RBFOX1: variants seen among roughly 807,000 people sequenced by gnomAD.
The protein encoded by RBFOX1 is RNA binding fox-1 homolog 1.
A neutral mutation model predicts 57.7 loss-of-function variants in RBFOX1; 8 were observed. The ratio of observed to expected loss-of-function variants is 0.14; its 90% CI spans 0.08 to 0.25. The LOEUF (loss-of-function observed/expected upper bound fraction) is 0.25, where lower values mean the gene tolerates loss of function less well. Ranked by LOEUF, RBFOX1 falls within the 10% of genes least tolerant of loss-of-function variation. The pLI, the probability that RBFOX1 is intolerant of heterozygous loss-of-function variation, is 1.00. For missense variants in RBFOX1, 611 were observed against 548.5 expected (o/e 1.11, Z -1.14); for synonymous variants, 326 against 222.4 (o/e 1.47, Z -4.15).
chr16:7,026,495 TTTC>T (rs1321589748), intron 3 of RBFOX1, among the ~76,000 whole-genome samples: 14 of 152,216 alleles, frequency 9.2e-5, no homozygotes, highest in South Asian at 4.1e-4. Context: ...ATCTGCCTCT[TTTC>T]TTCTTCTCTC....
chr16:5,909,629 C>T (rs1406611031), intron 4 of RBFOX1, among the ~76,000 whole-genome samples: 1 of 152,136 alleles, frequency 6.6e-6, no homozygotes, highest in Non-Finnish European at 1.5e-5. Flanking sequence ...ACTCTGTAGC[C>T]TCCCTCCTGG....
At chr16:7,420,607 A>G (rs892278745) in intron 4 of RBFOX1, among the ~76,000 whole-genome samples, 12 of 151,024 alleles carry the variant, frequency 7.9e-5, no homozygotes, top group Middle Eastern at 3.4e-3. Flanking sequence ...TCCCTTTCTG[A>G]TGATTTTTTT....
At chr16:7,286,120 A>G (rs72769249) in intron 4 of RBFOX1, among the ~76,000 whole-genome samples, 66 of 152,332 alleles carry the variant, frequency 4.3e-4, no homozygotes, top group Non-Finnish European at 6.6e-4. Context: ...TAAGGAACGA[A>G]TGAGTGAATG....
chr16:6,636,791 A>ATATATATAT (rs766022561), intron 2 of RBFOX1, among the ~76,000 whole-genome samples: 45 of 7,044 alleles, frequency 6.4e-3, no homozygotes, highest in Non-Finnish European at 0.015. Flanking sequence ...ATAATATATA[A>ATATATATAT]TATATGTTAT....
At chr16:5,694,695 C>G (rs949266805) in intron 3 of RBFOX1, among the ~76,000 whole-genome samples, 1 of 151,914 alleles carries the variant, frequency 6.6e-6, no homozygotes, top group African/African-American at 2.4e-5. Context: ...GAGACTGGCC[C>G]TGACTCCCGA....
intron 4 of RBFOX1, among the ~76,000 whole-genome samples, chr16:5,980,057 C>T (rs2060141682): frequency 6.6e-6 from 1 of 152,212 alleles, no homozygotes; most frequent in Non-Finnish European, 1.5e-5. Flanking sequence ...TTCCAATCAG[C>T]TCCACCCTCC....
At chr16:7,489,497 G>T (rs1479694349) in intron 4 of RBFOX1, among the ~76,000 whole-genome samples, 2 of 141,482 alleles carry the variant, frequency 1.4e-5, no homozygotes, top group African/African-American at 5.2e-5. Context: ...GAGGCTTGGA[G>T]AGAGAATTAT....
intron 3 of RBFOX1, among the ~76,000 whole-genome samples, chr16:6,858,294 G>T (rs976540208): frequency 3.9e-5 from 6 of 152,156 alleles, no homozygotes; most frequent in Admixed American, 3.9e-4. Flanking sequence ...TTCCCTCTCT[G>T]TGTTGAGAGA....
At chr16:7,349,636 A>C (rs2145858970) in intron 4 of RBFOX1, among the ~76,000 whole-genome samples, 1 of 152,196 alleles carries the variant, frequency 6.6e-6, no homozygotes, top group South Asian at 2.1e-4. Context: ...CATCCGCTTG[A>C]GAGGCTGAGG....
At chr16:6,313,656 T>A (rs536575752) in intron 1 of RBFOX1, among the ~76,000 whole-genome samples, 1 of 152,294 alleles carries the variant, frequency 6.6e-6, no homozygotes, top group African/African-American at 2.4e-5. Context: ...TCTGCCTGAC[T>A]TTGTTCCAAT....
chr16:7,677,362 T>G (rs1330439553), intron 14 of RBFOX1, among the ~76,000 whole-genome samples: 7 of 152,152 alleles, frequency 4.6e-5, no homozygotes, highest in African/African-American at 1.4e-4. Context: ...CTGGCATTCA[T>G]AAGGAGATTG....
At chr16:5,993,825 A>C (rs182745968) in intron 4 of RBFOX1, among the ~76,000 whole-genome samples, 50 of 152,292 alleles carry the variant, frequency 3.3e-4, no homozygotes, top group African/African-American at 1.2e-3. Context: ...GTTTAAGTTA[A>C]ATACTGTGCT....
chr16:7,290,174 C>G (rs953472821), intron 4 of RBFOX1, among the ~76,000 whole-genome samples: 2 of 152,088 alleles, frequency 1.3e-5, no homozygotes, highest in Non-Finnish European at 2.9e-5. Context: ...ATAAAAGATG[C>G]ATTTTATGAC....
At chr16:6,965,776 A>C (rs542679201) in intron 3 of RBFOX1, among the ~76,000 whole-genome samples, 1 of 152,296 alleles carries the variant, frequency 6.6e-6, no homozygotes, top group East Asian at 1.9e-4. Flanking sequence ...TCTCCATAGC[A>C]AGTACTCACT....
At chr16:6,835,686 A>G (rs1352382739) in intron 3 of RBFOX1, among the ~76,000 whole-genome samples, 5 of 143,280 alleles carry the variant, frequency 3.5e-5, no homozygotes, top group Admixed American at 2.1e-4. Flanking sequence ...CCTCAGAGGT[A>G]GAGGTTGCAG....
chr16:5,279,287 G>A (rs1221151757), intron 1 of RBFOX1, among the ~76,000 whole-genome samples: 1 of 151,818 alleles, frequency 6.6e-6, no homozygotes, highest in Non-Finnish European at 1.5e-5. Flanking sequence ...TCATTGTCGA[G>A]GTTTTTTGTT....
chr16:7,705,351 A>G (rs1040013991), intron 14 of RBFOX1, among the ~76,000 whole-genome samples: 2 of 152,040 alleles, frequency 1.3e-5, no homozygotes, highest in African/African-American at 2.4e-5. Context: ...CTAAAAATAG[A>G]AAAATTAGCT....
intron 3 of RBFOX1, among the ~76,000 whole-genome samples, chr16:5,676,690 A>C (rs533641474): frequency 1.3e-5 from 2 of 152,270 alleles, no homozygotes; most frequent in Non-Finnish European, 1.5e-5. Flanking sequence ...ACAAAACCTC[A>C]TCTCTACTAA....
At chr16:5,844,347 T>G (rs1296838841) in intron 3 of RBFOX1, among the ~76,000 whole-genome samples, 1 of 152,244 alleles carries the variant, frequency 6.6e-6, no homozygotes, top group Non-Finnish European at 1.5e-5. Context: ...GCTGATTATA[T>G]ATGCTGTTCT....
Sources: allele counts gnomAD v4.1 joint callset (sites outside exome capture counted in the v4.1 genomes callset), GRCh38; gene constraint gnomAD v4.1.1; transcripts MANE v1.5; gene names NCBI Gene and HGNC (gene_info 2026-07-23, HGNC 2026-07-21).